WDR27: variants seen among roughly 807,000 people sequenced by gnomAD.
WDR27 encodes WD repeat-containing protein 27.
WDR27 carries 100 observed loss-of-function variants against 114.4 expected under a neutral mutation model. That is an observed-to-expected ratio of 0.87 (90% CI 0.74 to 1.03). The LOEUF is 1.03. Ranked by LOEUF, WDR27 falls within the 50% of genes least tolerant of loss-of-function variation. The probability of loss-of-function intolerance (pLI) is 0.00; values close to 1 mark genes in which losing one functional copy is unlikely to be tolerated. For synonymous variants in WDR27, 449 were observed against 423.1 expected (o/e 1.06, Z -0.75); for missense variants, 1,129 against 1,092.9 (o/e 1.03, Z -0.47).
At position 169,621,996 on chromosome 6, in the gene WDR27, G is replaced by C. The variant is rs890254379; in HGVS notation, c.2224-8340C>G. The stretch of plus-strand genomic sequence containing the variant: ...AAAAAGTCAAGCTAGGAACTGCTTA[G>C]GGCCAACCTGCCTCCCATTCTATTC... On this transcript the variant is annotated intron_variant, in intron 21 of 25. Coordinates refer to ENST00000448612, the MANE Select transcript of WDR27 (RefSeq NM_182552.5). Among the ~76,000 whole-genome samples, 8 of 152,312 alleles carry C rather than the reference G, an allele frequency of 5.3e-5. No individual in the cohort carries two copies. The Middle Eastern group carries it at 0.02, about 389-fold the overall frequency.
chr6:169,588,730 C>CT (rs2128150489), intron 23 of WDR27, among the ~76,000 whole-genome samples: 1 of 152,360 alleles, frequency 6.6e-6, no homozygotes, highest in African/African-American at 2.4e-5. Context: ...CAGGCTGCTG[C>CT]TGCTGGTCCA....
intron 22 of WDR27, among the ~76,000 whole-genome samples, chr6:169,602,574 A>G (rs1262375875): frequency 6.6e-6 from 1 of 152,172 alleles, no homozygotes; most frequent in Non-Finnish European, 1.5e-5. Context: ...TATATGTGAT[A>G]AATATTAAAT....
intron 25 of WDR27, among the ~76,000 whole-genome samples, chr6:169,514,634 C>T (rs972608726): frequency 6.8e-6 from 1 of 147,852 alleles, no homozygotes; most frequent in Non-Finnish European, 1.5e-5. Flanking sequence ...TCAAACAAAT[C>T]CCTCAATATT....
In WDR27 at chr6:169,701,216, T is replaced by C. The variant is rs191710370; in HGVS notation, c.-8+335A>G. ...TAAAATCCTGTGCATTTCCGTTTTT[T>C]TAATGTACATACGAATATTTTTAAA... On this transcript the variant is annotated intron_variant, in intron 1 of 25. Coordinates refer to ENST00000448612, the MANE Select transcript of WDR27 (RefSeq NM_182552.5). Among the ~76,000 whole-genome samples, 349 of 152,348 alleles carry C rather than the reference T, an allele frequency of 2.3e-3. 2 individuals carry two copies. Among genetic ancestry groups the C allele is most frequent in the African/African-American group, 7.9e-3 (328 of 41,582 alleles).
chr6:169,580,049 ATT>A (rs1277002324), intron 24 of WDR27, among the ~76,000 whole-genome samples: 3 of 152,222 alleles, frequency 2.0e-5, no homozygotes, highest in Non-Finnish European at 2.9e-5. Flanking sequence ...CAGCTCCAGC[ATT>A]CTCTCATTAC....
intron 18 of WDR27, among the ~76,000 whole-genome samples, chr6:169,637,119 A>C (rs1193914049): frequency 1.3e-5 from 2 of 152,156 alleles, no homozygotes; most frequent in African/African-American, 2.4e-5. Context: ...TTTGAAGGTG[A>C]GTTTCCTACC....
chr6:169,681,482 A>C (rs1463206899), intron 2 of WDR27, among the ~76,000 whole-genome samples: 1 of 152,240 alleles, frequency 6.6e-6, no homozygotes, highest in African/African-American at 2.4e-5. Flanking sequence ...TGATTCACTA[A>C]GCGTGCTCGT....
At chr6:169,644,159 A>T (rs983129501) in intron 16 of WDR27, among the ~76,000 whole-genome samples, 34 of 141,608 alleles carry the variant, frequency 2.4e-4, no homozygotes, top group African/African-American at 9.2e-4. Flanking sequence ...GTCACACTGT[A>T]GAAAAGCCTA....
chr6:169,499,535 T>TCA (rs1478212208), intron 25 of WDR27, among the ~76,000 whole-genome samples: 20 of 152,352 alleles, frequency 1.3e-4, no homozygotes, highest in Admixed American at 8.5e-4. Flanking sequence ...TATTAGAGTG[T>TCA]GAAGTCACTA....
intron 17 of WDR27, among the ~76,000 whole-genome samples, chr6:169,641,452 T>TG (rs765026084): frequency 6.6e-6 from 1 of 151,970 alleles, no homozygotes; most frequent in Non-Finnish European, 1.5e-5. Flanking sequence ...GTTTCCCCTG[T>TG]GGTGAGTGTG....
intron 23 of WDR27, among the ~76,000 whole-genome samples, chr6:169,599,125 C>T (rs2128165993): frequency 1.3e-5 from 2 of 151,716 alleles, no homozygotes; most frequent in African/African-American, 2.4e-5. Flanking sequence ...TCTCCTAATG[C>T]TATCCCTCCC....
In WDR27 at chr6:169,588,554, G is replaced by A. The variant is rs151175315; in HGVS notation, c.2425-5620C>T. Among the ~76,000 whole-genome samples, 207 of 152,278 alleles carry A rather than the reference G, an allele frequency of 1.4e-3. 4 individuals are homozygous for A. The East Asian group carries it at 0.033, about 24-fold the overall frequency. On this transcript the variant is annotated intron_variant, in intron 23 of 25. Transcript: ENST00000448612. ...GACCCGTGCATTTCAAACCCATGTT[G>A]TTCAAGGGTCAGCTGAATTTTTAAG...
At chr6:169,492,950 T>A (rs1484411603) in intron 25 of WDR27, among the ~76,000 whole-genome samples, 1 of 151,894 alleles carries the variant, frequency 6.6e-6, no homozygotes, top group Non-Finnish European at 1.5e-5. Flanking sequence ...AAGGTAAAAA[T>A]TAAGTCAACA....
chr6:169,691,474 G>A (rs1784488251), intron 1 of WDR27, among the ~76,000 whole-genome samples: 1 of 152,068 alleles, frequency 6.6e-6, no homozygotes, highest in Admixed American at 6.5e-5. Flanking sequence ...TAGGTGCTGG[G>A]CAGATGTGTC....
chr6:169,465,207 G>A (rs560881216), intron 25 of WDR27, among the ~76,000 whole-genome samples: 4 of 146,756 alleles, frequency 2.7e-5, no homozygotes, highest in East Asian at 2.1e-4. Context: ...GTGGTGAGCC[G>A]AGATTGCACC....
intron 25 of WDR27, among the ~76,000 whole-genome samples, chr6:169,482,596 C>A (rs997382476): frequency 6.6e-6 from 1 of 152,176 alleles, no homozygotes; most frequent in Non-Finnish European, 1.5e-5. Flanking sequence ...GAGACTTCAA[C>A]ACCCCCACTG....
intron 25 of WDR27, among the ~76,000 whole-genome samples, chr6:169,566,957 T>C (rs1429681284): frequency 1.3e-5 from 2 of 152,292 alleles, no homozygotes; most frequent in East Asian, 3.9e-4. Flanking sequence ...AAATGCATAA[T>C]AGGCCAGGGC....
At chr6:169,558,126 C>G (rs1301732352) in intron 25 of WDR27, among the ~76,000 whole-genome samples, 1 of 151,934 alleles carries the variant, frequency 6.6e-6, no homozygotes, top group Non-Finnish European at 1.5e-5. Flanking sequence ...AAGTCCAATA[C>G]TCCCTTTGAC....
intron 21 of WDR27, among the ~76,000 whole-genome samples, chr6:169,616,869 A>T (rs1484801408): frequency 6.6e-6 from 1 of 152,226 alleles, no homozygotes; most frequent in Non-Finnish European, 1.5e-5. Context: ...TGGAAATCTA[A>T]AAGCATACAT....
Sources: gnomAD v4.1 joint callset for allele counts (sites outside exome capture counted in the v4.1 genomes callset) on GRCh38, gnomAD v4.1.1 for gene constraint, MANE v1.5 for transcripts, NCBI Gene and HGNC (gene_info 2026-07-23, HGNC 2026-07-21) for gene names.